SLC25A21: variants seen among roughly 807,000 people sequenced by gnomAD.
The protein encoded by SLC25A21 is solute carrier family 25 member 21, also known as mitochondrial 2-oxodicarboxylate carrier.
A neutral mutation model predicts 43.8 loss-of-function variants in SLC25A21; 47 were observed. That is an observed-to-expected ratio of 1.07 (90% CI 0.85 to 1.37). The LOEUF is 1.37. Among genes scored for constraint, SLC25A21 ranks in the 40% most tolerant of loss-of-function variants. The probability of loss-of-function intolerance (pLI) is 0.00; values close to 1 mark genes in which losing one functional copy is unlikely to be tolerated. For synonymous variants in SLC25A21, 131 were observed against 121.3 expected (o/e 1.08, Z -0.52); for missense variants, 352 against 350.2 (o/e 1.00, Z -0.04).
At chr14:36,854,983 G>T (rs1889855696) in intron 2 of SLC25A21, among the ~76,000 whole-genome samples, 1 of 151,734 alleles carries the variant, frequency 6.6e-6, no homozygotes, top group Admixed American at 6.6e-5. Context: ...GCAGCAGTTT[G>T]CCCAAGGTGG....
intron 1 of SLC25A21, among the ~76,000 whole-genome samples, chr14:37,141,811 G>A (rs1963575770): frequency 1.3e-5 from 2 of 152,126 alleles, no homozygotes; most frequent in South Asian, 4.1e-4. Context: ...ACTGTAATCA[G>A]CTATTTCTAC....
intron 3 of SLC25A21, among the ~76,000 whole-genome samples, chr14:36,794,766 TTA>T (rs1887618884): frequency 7.2e-6 from 1 of 138,932 alleles, no homozygotes; most frequent in Non-Finnish European, 1.6e-5. Flanking sequence ...AAGACTCCAT[TTA>T]AAAAAAAAAA....
chr14:36,987,044 G>C (rs982373278), intron 1 of SLC25A21, among the ~76,000 whole-genome samples: 1 of 152,146 alleles, frequency 6.6e-6, no homozygotes, highest in Non-Finnish European at 1.5e-5. Flanking sequence ...AAAAACAAGT[G>C]AGACTAGAGA....
intron 1 of SLC25A21, among the ~76,000 whole-genome samples, chr14:37,147,846 T>TTTTC (rs1234902199): frequency 1.4e-5 from 2 of 143,394 alleles, no homozygotes; most frequent in Non-Finnish European, 3.1e-5. Flanking sequence ...TTTCTTTTCT[T>TTTTC]TTTTTTTTTT....
At chr14:37,102,353 G>A (rs1272368143) in intron 1 of SLC25A21, among the ~76,000 whole-genome samples, 3 of 151,748 alleles carry the variant, frequency 2.0e-5, no homozygotes, top group Non-Finnish European at 4.4e-5. Flanking sequence ...TGAGGCAGGA[G>A]AATCGCTTGA....
intron 1 of SLC25A21, among the ~76,000 whole-genome samples, chr14:37,103,830 T>C (rs1962862424): frequency 6.6e-6 from 1 of 152,232 alleles, no homozygotes; most frequent in Non-Finnish European, 1.5e-5. Context: ...AGCTTGGTAC[T>C]GAATCATGTC....
At chr14:36,827,115 C>A (rs942281709) in intron 2 of SLC25A21, among the ~76,000 whole-genome samples, 1 of 152,140 alleles carries the variant, frequency 6.6e-6, no homozygotes, top group African/African-American at 2.4e-5. Context: ...AATAAAATGC[C>A]CTTCTGTGCT....
intron 1 of SLC25A21, among the ~76,000 whole-genome samples, chr14:36,906,527 G>A (rs1164747753): frequency 1.4e-5 from 2 of 147,916 alleles, no homozygotes; most frequent in Admixed American, 6.7e-5. Context: ...TTTTTTTTTA[G>A]ATGGAGTCTC....
chr14:36,962,631 A>G lies in SLC25A21; in HGVS notation c.71-87627T>C, dbSNP rs144621212. Among the ~76,000 whole-genome samples the G allele has an allele frequency of 5.1e-3, 770 of 152,302 alleles. 8 individuals carry two copies. The highest frequency in any genetic ancestry group is 0.017 in the African/African-American group (723 of 41,568). On this transcript the variant is annotated intron_variant, in intron 1 of 9. Coordinates refer to ENST00000331299, the MANE Select transcript of SLC25A21 (RefSeq NM_030631.4). ...AGCATAATGTCCTATAGATCCATCCATAAAAATTGTGTTTTTAAAAACACA... is the reference window on the plus strand; with the variant it reads ...AGCATAATGTCCTATAGATCCATCCGTAAAAATTGTGTTTTTAAAAACACA...
chr14:37,016,536 G>T (rs1429923040), intron 1 of SLC25A21, among the ~76,000 whole-genome samples: 1 of 151,878 alleles, frequency 6.6e-6, no homozygotes, highest in Non-Finnish European at 1.5e-5. Flanking sequence ...GCTCTTTTTT[G>T]ATTTTTGGCA....
chr14:36,759,924 C>T (rs767473467), intron 3 of SLC25A21, among the ~76,000 whole-genome samples: 3 of 152,088 alleles, frequency 2.0e-5, no homozygotes, highest in Non-Finnish European at 2.9e-5. Context: ...GCCGAGATCA[C>T]GTCACTGCAC....
chr14:36,744,863 CT>C (rs75687715), intron 3 of SLC25A21, among the ~76,000 whole-genome samples: 1 of 150,912 alleles, frequency 6.6e-6, no homozygotes, highest in Non-Finnish European at 1.5e-5. Flanking sequence ...AGGCATTTTT[CT>C]TTTTTTTTAT....
chr14:37,058,122 AAATG>A (rs1961869832), intron 1 of SLC25A21, among the ~76,000 whole-genome samples: 1 of 152,256 alleles, frequency 6.6e-6, no homozygotes, highest in African/African-American at 2.4e-5. Context: ...ACAATTTAAA[AAATG>A]AATGAAGCTT....
chr14:36,856,639 A>G (rs2138524245), intron 2 of SLC25A21, among the ~76,000 whole-genome samples: 1 of 152,312 alleles, frequency 6.6e-6, no homozygotes, highest in East Asian at 1.9e-4. Context: ...TGCCAGACAC[A>G]TGTGTGAGTG....
intron 1 of SLC25A21, among the ~76,000 whole-genome samples, chr14:37,042,375 C>A (rs1435218155): frequency 1.3e-5 from 2 of 152,092 alleles, no homozygotes; most frequent in Admixed American, 6.5e-5. Flanking sequence ...AAGTGGAGAA[C>A]CTTGCAAATG....
intron 2 of SLC25A21, among the ~76,000 whole-genome samples, chr14:36,840,061 C>G (rs913470905): frequency 1.3e-5 from 2 of 152,130 alleles, no homozygotes; most frequent in African/African-American, 2.4e-5. Flanking sequence ...ATGACTCAAG[C>G]CCTACATTCT....
chr14:37,076,505 T>C (rs182303647), intron 1 of SLC25A21, among the ~76,000 whole-genome samples: 190 of 151,660 alleles, frequency 1.3e-3, no homozygotes, highest in African/African-American at 4.4e-3. Flanking sequence ...GTTTTTGTTT[T>C]TGAGGCAGAG....
chr14:36,715,809 C>A (rs1342460669), intron 6 of SLC25A21, among the ~76,000 whole-genome samples: 1 of 152,120 alleles, frequency 6.6e-6, no homozygotes, highest in African/African-American at 2.4e-5. Flanking sequence ...AAAGCAGATC[C>A]TTGGCTGGGC....
chr14:37,141,737 A>G (rs139829359), intron 1 of SLC25A21, among the ~76,000 whole-genome samples: 7 of 152,338 alleles, frequency 4.6e-5, no homozygotes, highest in Middle Eastern at 3.4e-3. Flanking sequence ...CAAAATATGT[A>G]AGGTACTATA....
Sources: allele counts gnomAD v4.1 joint callset (sites outside exome capture counted in the v4.1 genomes callset), GRCh38; gene constraint gnomAD v4.1.1; transcripts MANE v1.5; gene names NCBI Gene and HGNC (gene_info 2026-07-23, HGNC 2026-07-21).